The following RNF212B variants were observed in gnomAD, a reference collection of about 807,000 sequenced individuals.
RNF212B encodes the protein ring finger protein 212B, also known as E3 ubiquitin-protein ligase RNF212B.
A neutral mutation model predicts 55.5 loss-of-function variants in RNF212B; 52 were observed. The observed-to-expected ratio is 0.94, with a 90% CI of 0.75 to 1.18. RNF212B has a LOEUF of 1.18. Ranked by LOEUF, RNF212B falls within the 50% of genes most tolerant of loss-of-function variation. The pLI, the probability that RNF212B is intolerant of heterozygous loss-of-function variation, is 0.00. For missense variants in RNF212B, 289 were observed against 350.4 expected, an observed-to-expected ratio of 0.82 and a Z score of 1.40; for synonymous variants, 99 against 121.4, an observed-to-expected ratio of 0.82 and a Z score of 1.21.
intron 2 of RNF212B, among the ~76,000 whole-genome samples, chr14:23,229,371 C>T (rs1368002403): frequency 1.3e-5 from 2 of 150,670 alleles, no homozygotes; most frequent in African/African-American, 2.4e-5. Flanking sequence ...TCTGTTTGAG[C>T]CCCTGTTTTA....
chr14:23,225,501 T>G (rs1881922975), intron 2 of RNF212B, among the ~76,000 whole-genome samples: 1 of 152,238 alleles, frequency 6.6e-6, no homozygotes. Flanking sequence ...TTCTGTCATT[T>G]GTAGCAACAT....
At position 23,242,099 on chromosome 14, in the gene RNF212B, A is replaced by G. The variant is rs1006907236; in HGVS notation, c.101-1157A>G. ...TCCGTCTCAAAAAAAAAAAAAAAAA[A>G]AAAAAAAAGAAAAGAAAAAGAAAAA... On this transcript the variant is annotated intron_variant, in intron 2 of 14. Coordinates refer to ENST00000430154, the MANE Select transcript of RNF212B (RefSeq NM_001282322.3). Among the ~76,000 whole-genome samples the G allele has an allele frequency of 1.1e-4, 14 of 126,586 alleles. No homozygotes were observed. The South Asian group carries it at 2.5e-3, about 23-fold the overall frequency. 83.0% of individuals were successfully genotyped at this position (126,586 alleles called of 152,430 possible). A position where few individuals can be genotyped will look rare whatever the true frequency, so the allele number is the denominator to read the frequency against.
chr14:23,205,303 A>G (rs971412097), intron 2 of RNF212B, among the ~76,000 whole-genome samples: 3 of 133,626 alleles, frequency 2.2e-5, no homozygotes, highest in Non-Finnish European at 3.1e-5. Context: ...TTTTTTTTAA[A>G]AAAAGGACAC....
chr14:23,194,525 C>T lies in RNF212B; in HGVS notation c.-2+1124C>T, dbSNP rs558574661. Among the ~76,000 whole-genome samples the T allele has an allele frequency of 3.3e-5, 5 of 152,018 alleles. No individual in the cohort carries two copies. The East Asian group carries it at 7.7e-4, about 24-fold the overall frequency. ...GGCTGAGGTGGGCAGATCATCTGAG[C>T]TCAGGAGTTTGAGACCACCCTGGGC... On this transcript the variant is annotated intron_variant, in intron 2 of 15. Coordinates refer to the RNF212B transcript ENST00000399910.
intron 2 of RNF212B, among the ~76,000 whole-genome samples, chr14:23,218,095 G>A (rs536061484): frequency 3.3e-5 from 5 of 152,072 alleles, no homozygotes; most frequent in African/African-American, 4.8e-5. Context: ...CAGGCCAGGC[G>A]CTGTGGCTCA....
intron 4 of RNF212B, among the ~76,000 whole-genome samples, chr14:23,254,632 T>TA (rs1244383692): frequency 6.6e-6 from 1 of 152,192 alleles, no homozygotes; most frequent in African/African-American, 2.4e-5. Flanking sequence ...GAGTTCAAGA[T>TA]ATCTGCCCAC....
intron 4 of RNF212B, among the ~76,000 whole-genome samples, chr14:23,250,390 T>C (rs1373931382): frequency 2.0e-5 from 3 of 149,664 alleles, no homozygotes; most frequent in Admixed American, 6.7e-5. Flanking sequence ...GGCTGAGGCA[T>C]GAGAATTGCT....
chr14:23,199,262 A>C (rs7158649), intron 2 of RNF212B, among the ~76,000 whole-genome samples: 2,414 of 152,290 alleles, frequency 0.016, 57 homozygotes, highest in African/African-American at 0.055. Context: ...TAAGAAGTAC[A>C]TTGGTTCAGT....
At position 23,243,247 on chromosome 14, in the gene RNF212B, TC is replaced by T. The variant is rs1307154262; in HGVS notation, c.101-7del. The T allele has an allele frequency of 3.2e-6, 5 of 1,549,420 alleles. No homozygotes were observed. In the Admixed American group the frequency reaches 9.9e-5, roughly 31 times the overall value. ...GAGAGCCAAATATTTTTTTCCCTTT[TC>T]CTCCCAGAAAAATGTGCTGTTTGTG... is the stretch of plus-strand genomic sequence containing the variant. On this transcript the variant is annotated splice_polypyrimidine_tract_variant and splice_region_variant and intron_variant, in intron 2 of 14. Transcript: ENST00000430154.
At chr14:23,213,270 A>G (rs896498985) in intron 2 of RNF212B, among the ~76,000 whole-genome samples, 5 of 151,870 alleles carry the variant, frequency 3.3e-5, no homozygotes, top group South Asian at 2.1e-4. Context: ...CCGAGATCGC[A>G]CCACTGCACT....
At position 23,259,953 on chromosome 14, in the gene RNF212B, A is replaced by G. The variant is rs374985131; in HGVS notation, c.405+9A>G. On this transcript the variant is annotated intron_variant, in intron 6 of 14. Coordinates refer to ENST00000430154, the MANE Select transcript of RNF212B (RefSeq NM_001282322.3). ...TTCTAGCCATTCTAAAGGTGAATGAAATAGATTTTCCTTATTATTATTTTC... is the reference window on the plus strand; with the variant it reads ...TTCTAGCCATTCTAAAGGTGAATGAGATAGATTTTCCTTATTATTATTTTC... 7 of 1,389,956 alleles carry G rather than the reference A, an allele frequency of 5.0e-6. No individual in the cohort carries two copies. In the East Asian group the frequency reaches 1.8e-4, roughly 36 times the overall value. The allele number at this position is 1,389,956 out of a possible 1,614,324, so 86.1% of individuals were successfully genotyped here.
In RNF212B at chr14:23,212,297, A is replaced by G. The variant is rs146163307; in HGVS notation, c.-2+18896A>G. 4.2e-3 allele frequency among the ~76,000 whole-genome samples: 636 copies of G among 152,358 alleles called. 7 individuals are homozygous for G. Among genetic ancestry groups the G allele is most frequent in the African/African-American group, 0.015 (617 of 41,582 alleles). ...TATGGCCACTGCAGTTAGGCAAGAAAAAATAAAGGTATACAAACTGGAAAG... is the reference window on the plus strand; with the variant it reads ...TATGGCCACTGCAGTTAGGCAAGAAGAAATAAAGGTATACAAACTGGAAAG... On this transcript the variant is annotated intron_variant, in intron 2 of 15. Transcript: ENST00000399910.
chr14:23,232,710 G>A (rs1329279180), intron 2 of RNF212B, among the ~76,000 whole-genome samples: 1 of 145,966 alleles, frequency 6.9e-6, no homozygotes, highest in African/African-American at 2.5e-5. Context: ...CCCCCGCCCG[G>A]CCAGCCGCCC....
At chr14:23,249,438 A>G (rs572676909) in intron 4 of RNF212B, among the ~76,000 whole-genome samples, 1 of 152,152 alleles carries the variant, frequency 6.6e-6, no homozygotes, top group Non-Finnish European at 1.5e-5. Flanking sequence ...CCAGCTACTC[A>G]GGAGGCTGAG....
upstream of RNF212B, among the ~76,000 whole-genome samples, chr14:23,234,520 A>G (rs2140425852): frequency 6.6e-6 from 1 of 152,248 alleles, no homozygotes; most frequent in Non-Finnish European, 1.5e-5. Context: ...ACTCAATTTT[A>G]TATTTTTTCA....
At chr14:23,214,241 C>A (rs1400387651) in intron 2 of RNF212B, among the ~76,000 whole-genome samples, 1 of 152,182 alleles carries the variant, frequency 6.6e-6, no homozygotes, top group Non-Finnish European at 1.5e-5. Context: ...AGCCTGTAAT[C>A]CCAGCATTTT....
chr14:23,194,806 T>C (rs1228037041), intron 2 of RNF212B, among the ~76,000 whole-genome samples: 3 of 140,056 alleles, frequency 2.1e-5, no homozygotes. Context: ...ACAGATAAAA[T>C]ATTTGAACAA....
chr14:23,234,943 G>A (rs1019600876), upstream of RNF212B, among the ~76,000 whole-genome samples: 6 of 152,240 alleles, frequency 3.9e-5, no homozygotes, highest in Admixed American at 2.0e-4. Flanking sequence ...GCTGGGTACG[G>A]TGGCTCATAC....
chr14:23,188,067 G>T (rs531142432), intron 1 of RNF212B: 1 of 152,358 alleles, frequency 6.6e-6, no homozygotes, highest in South Asian at 2.1e-4. Context: ...TAAGTTCAAA[G>T]GAAGTTGTGT....
Sources: gnomAD v4.1 joint callset for allele counts (sites outside exome capture counted in the v4.1 genomes callset) on GRCh38, gnomAD v4.1.1 for gene constraint, MANE v1.5 for transcripts, NCBI Gene and HGNC (gene_info 2026-07-23, HGNC 2026-07-21) for gene names.